Variants in PRKCQ observed in about 807,000 individuals in gnomAD.
PRKCQ encodes the protein protein kinase C theta type.
A neutral mutation model predicts 91.2 loss-of-function variants in PRKCQ; 41 were observed. The ratio of observed to expected loss-of-function variants is 0.45; its 90% CI spans 0.35 to 0.58. PRKCQ has a LOEUF of 0.58. Among genes scored for constraint, PRKCQ ranks in the 20% least tolerant of loss-of-function variants. The probability of loss-of-function intolerance (pLI) is 0.00; values close to 1 mark genes in which losing one functional copy is unlikely to be tolerated. For missense variants in PRKCQ, 673 were observed against 896.5 expected, an observed-to-expected ratio of 0.75 and a Z score of 3.18; for synonymous variants, 307 against 316.9, an observed-to-expected ratio of 0.97 and a Z score of 0.33.
chr10:6,517,257 G>C (rs1838801277), intron 1 of PRKCQ, among the ~76,000 whole-genome samples: 1 of 151,894 alleles, frequency 6.6e-6, no homozygotes, highest in Admixed American at 6.5e-5. Flanking sequence ...TTAGTAAAAA[G>C]TCTCTCCAGA....
intron 16 of PRKCQ, among the ~76,000 whole-genome samples, chr10:6,435,440 AG>A (rs1233521172): frequency 6.6e-6 from 1 of 152,232 alleles, no homozygotes. Flanking sequence ...AAAGCAAAGG[AG>A]GAATAGAGAT....
chr10:6,506,186 AT>A (rs1435520335), intron 4 of PRKCQ, among the ~76,000 whole-genome samples: 9 of 152,154 alleles, frequency 5.9e-5, no homozygotes, highest in Non-Finnish European at 1.2e-4. Context: ...TTCAGAGTAC[AT>A]TTTTCCCATC....
the PRKCQ span, among the ~76,000 whole-genome samples, chr10:6,397,860 G>A: frequency 6.6e-6 from 1 of 152,186 alleles, no homozygotes; most frequent in African/African-American, 2.4e-5. Flanking sequence ...GGGAGATGGA[G>A]GTTGTAGTGA....
the PRKCQ span, among the ~76,000 whole-genome samples, chr10:6,404,672 C>T: frequency 1.4e-5 from 2 of 145,060 alleles, no homozygotes; most frequent in Non-Finnish European, 3.0e-5. Context: ...TTCTTTCTCT[C>T]TTTCCTTTCT....
At chr10:6,432,477 CTCAACT>C (rs1055816147) in intron 16 of PRKCQ, among the ~76,000 whole-genome samples, 4 of 152,134 alleles carry the variant, frequency 2.6e-5, no homozygotes, top group African/African-American at 9.7e-5. Context: ...TCTTAGCAGT[CTCAACT>C]TCCTCTCTCC....
At chr10:6,534,789 TATAG>T (rs1554780296) in intron 1 of PRKCQ, among the ~76,000 whole-genome samples, 181 of 130,160 alleles carry the variant, frequency 1.4e-3, no homozygotes, top group African/African-American at 1.7e-3. Flanking sequence ...TATATATATA[TATAG>T]ATATATATAT....
chr10:6,428,263 T>G lies in PRKCQ; in HGVS notation c.2065A>C (p.Asn689His). Residue 689 changes from asparagine (N) to histidine (H), a missense_variant, in exon 18 of 18, where the codon AAT becomes CAT. Coordinates refer to ENST00000263125, the MANE Select transcript of PRKCQ (RefSeq NM_006257.5). ...DRALINSMDQ[N>H]MFRNFSFMNP... The stretch of plus-strand genomic sequence containing the variant: ...ATGAAGGAAAAGTTCCTGAACATAT[T>G]CTGGTCCATGCTGTTGATCAGTGCT... 6.2e-7 allele frequency: 1 copy of G among 1,614,174 alleles called. No individual in the cohort carries two copies. Among genetic ancestry groups the G allele is most frequent in the Non-Finnish European group, 8.5e-7 (1 of 1,180,032 alleles).
chr10:6,396,787 C>T, the PRKCQ span, among the ~76,000 whole-genome samples: 3 of 152,232 alleles, frequency 2.0e-5, no homozygotes, highest in Non-Finnish European at 2.9e-5. Flanking sequence ...GTTTTCACTT[C>T]TCTTGGATAT....
At chr10:6,407,666 G>A in the PRKCQ span, among the ~76,000 whole-genome samples, 1 of 151,320 alleles carries the variant, frequency 6.6e-6, no homozygotes, top group African/African-American at 2.4e-5. This position sits in a 1 kb window ranked among gnomAD's most constrained non-coding sequence, Gnocchi z 4.0. Context: ...GAATGAATGT[G>A]TGTGGTATGT....
chr10:6,412,795 C>T, the PRKCQ span, among the ~76,000 whole-genome samples: 6 of 152,082 alleles, frequency 3.9e-5, no homozygotes, highest in Non-Finnish European at 5.9e-5. Flanking sequence ...ATAGCGTAAG[C>T]GGGTTACAAG....
intron 2 of PRKCQ, among the ~76,000 whole-genome samples, chr10:6,513,172 C>T (rs997691942): frequency 2.0e-5 from 3 of 152,168 alleles, no homozygotes; most frequent in Non-Finnish European, 1.5e-5. Flanking sequence ...AGCCCCGTAG[C>T]CTGTTTGTCC....
intron 17 of PRKCQ, among the ~76,000 whole-genome samples, chr10:6,429,432 G>A (rs1012170878): frequency 2.0e-5 from 3 of 152,208 alleles, no homozygotes; most frequent in Non-Finnish European, 2.9e-5. Context: ...CATCACTGGA[G>A]CTTGGGACAG....
At chr10:6,550,455 G>A (rs896805952) in intron 1 of PRKCQ, among the ~76,000 whole-genome samples, 9 of 152,110 alleles carry the variant, frequency 5.9e-5, no homozygotes, top group African/African-American at 2.2e-4. Flanking sequence ...TATATGTTTA[G>A]TAAAGATGGG....
chr10:6,402,275 G>A, the PRKCQ span, among the ~76,000 whole-genome samples: 3 of 148,300 alleles, frequency 2.0e-5, no homozygotes, highest in Admixed American at 6.9e-5. Flanking sequence ...ACCATGGCAC[G>A]TGCATACCTA....
chr10:6,560,376 A>G (rs915352720), intron 1 of PRKCQ, among the ~76,000 whole-genome samples: 1 of 152,288 alleles, frequency 6.6e-6, no homozygotes, highest in East Asian at 1.9e-4. Context: ...GCCTACTGGA[A>G]GGAGAAAGAA....
chr10:6,488,262 G>C (rs1047831227), intron 8 of PRKCQ, among the ~76,000 whole-genome samples: 1 of 152,190 alleles, frequency 6.6e-6, no homozygotes, highest in African/African-American at 2.4e-5. Flanking sequence ...TTATTGCATA[G>C]ATGTAGATAT....
chr10:6,420,926 C>T, the PRKCQ span, among the ~76,000 whole-genome samples: 1 of 151,742 alleles, frequency 6.6e-6, no homozygotes, highest in African/African-American at 2.4e-5. Flanking sequence ...ACATTGAAAA[C>T]CTATGTATTT....
intron 4 of PRKCQ, among the ~76,000 whole-genome samples, chr10:6,505,041 A>T (rs946385370): frequency 6.6e-6 from 1 of 151,840 alleles, no homozygotes; most frequent in Admixed American, 6.6e-5. Flanking sequence ...CTACAGGCAC[A>T]CACTGCCATA....
chr10:6,529,316 T>C (rs1170598694), intron 1 of PRKCQ, among the ~76,000 whole-genome samples: 1 of 152,206 alleles, frequency 6.6e-6, no homozygotes. Flanking sequence ...AGGACTCTGC[T>C]TCTTGTGTCA....
Sources: gnomAD v4.1 joint callset for allele counts (sites outside exome capture counted in the v4.1 genomes callset) on GRCh38, gnomAD v4.1.1 for gene constraint, Gnocchi (gnomAD v3.1) non-coding constraint, MANE v1.5 for transcripts, NCBI Gene and HGNC (gene_info 2026-07-23, HGNC 2026-07-21) for gene names.